The following EEIG1 variants were observed in gnomAD, a reference collection of about 807,000 sequenced individuals.
The protein encoded by EEIG1 is estrogen-induced osteoclastogenesis regulator 1, also known as early estrogen-induced gene 1 protein.
chr9:127,980,361 G>T, the EEIG1 span: 2 of 497,232 alleles, frequency 4.0e-6, no homozygotes, highest in African/African-American at 4.0e-5. Context: ...GGCTCGGAGG[G>T]GTTCGGAGCG....
the EEIG1 span, chr9:127,944,721 G>A: frequency 6.2e-7 from 1 of 1,611,904 alleles, no homozygotes; most frequent in Non-Finnish European, 8.5e-7. Flanking sequence ...GCTGAGCGCG[G>A]CAGGGCCAGC....
chr9:127,966,177 G>A, the EEIG1 span, among the ~76,000 whole-genome samples: 1 of 152,210 alleles, frequency 6.6e-6, no homozygotes, highest in Non-Finnish European at 1.5e-5. Context: ...TGGGCACAGG[G>A]TGGAGGGAAG....
At chr9:127,962,244 C>G in the EEIG1 span, among the ~76,000 whole-genome samples, 1 of 152,176 alleles carries the variant, frequency 6.6e-6, no homozygotes, top group African/African-American at 2.4e-5. Context: ...AGGAGATGCC[C>G]ACATCAAATT....
At chr9:127,943,371 G>A in the EEIG1 span, 7 of 800,200 alleles carry the variant, frequency 8.7e-6, no homozygotes, top group African/African-American at 1.7e-5. Flanking sequence ...GGCTAAAACC[G>A]TGCCCCAGCG....
chr9:127,941,354 G>A, the EEIG1 span: 2 of 152,522 alleles, frequency 1.3e-5, no homozygotes, highest in Admixed American at 1.3e-4. Context: ...TAGGCTGGGT[G>A]AGGTCACGCA....
chr9:127,943,067 T>C, the EEIG1 span: 4 of 827,084 alleles, frequency 4.8e-6, no homozygotes, highest in East Asian at 5.2e-5. Context: ...TGGACTGGAG[T>C]GCATGGAGGA....
chr9:127,969,504 T>C, the EEIG1 span, among the ~76,000 whole-genome samples: 24 of 152,294 alleles, frequency 1.6e-4, no homozygotes, highest in African/African-American at 3.8e-4. Context: ...GATGGGCACA[T>C]AATAGGCATT....
chr9:127,978,694 T>C, the EEIG1 span, among the ~76,000 whole-genome samples: 1 of 151,602 alleles, frequency 6.6e-6, no homozygotes, highest in Non-Finnish European at 1.5e-5. Context: ...ACAAAAAAAT[T>C]ATCGTGGTAG....
the EEIG1 span, among the ~76,000 whole-genome samples, chr9:127,955,836 A>T: frequency 6.6e-6 from 1 of 152,234 alleles, no homozygotes; most frequent in Middle Eastern, 3.2e-3. Context: ...TGCTCCTGCC[A>T]AGGCGGTGAC....
the EEIG1 span, chr9:127,950,773 C>T: frequency 8.0e-7 from 1 of 1,253,870 alleles, no homozygotes; most frequent in Non-Finnish European, 1.0e-6. Context: ...ACAAAGCACC[C>T]TTTGTGCCAC....
At chr9:127,944,385 G>C in the EEIG1 span, 2 of 595,776 alleles carry the variant, frequency 3.4e-6, no homozygotes, top group Non-Finnish European at 6.0e-6. Context: ...GTGAACTGTG[G>C]GAAACCACCG....
At chr9:127,959,585 G>A in the EEIG1 span, among the ~76,000 whole-genome samples, 1 of 152,188 alleles carries the variant, frequency 6.6e-6, no homozygotes, top group Admixed American at 6.5e-5. Flanking sequence ...ATTGGATCAT[G>A]GGGGTGGTTT....
At chr9:127,955,049 G>C in the EEIG1 span, among the ~76,000 whole-genome samples, 1 of 152,212 alleles carries the variant, frequency 6.6e-6, no homozygotes, top group Non-Finnish European at 1.5e-5. Context: ...CAGCCTGCCT[G>C]GCAGAGCCCG....
At chr9:127,965,998 C>T in the EEIG1 span, among the ~76,000 whole-genome samples, 1 of 152,084 alleles carries the variant, frequency 6.6e-6, no homozygotes, top group African/African-American at 2.4e-5. Flanking sequence ...AGCCACCTGG[C>T]AGCCCCAAAA....
chr9:127,953,451 A>G, the EEIG1 span: 1 of 780,514 alleles, frequency 1.3e-6, no homozygotes, highest in East Asian at 2.5e-5. Context: ...CTAAAAAATA[A>G]CACATCTCAG....
At chr9:127,944,745 G>A in the EEIG1 span, 1 of 1,611,564 alleles carries the variant, frequency 6.2e-7, no homozygotes, top group Non-Finnish European at 8.5e-7. Flanking sequence ...TGGAGCAGGT[G>A]GCCTCGCCCC....
chr9:127,980,769 C>T, the EEIG1 span, among the ~76,000 whole-genome samples: 2 of 149,772 alleles, frequency 1.3e-5, no homozygotes, highest in African/African-American at 4.9e-5. Flanking sequence ...CGTCCGGCCT[C>T]GGGCCTCCTC....
At chr9:127,951,329 A>G in the EEIG1 span, among the ~76,000 whole-genome samples, 1 of 152,184 alleles carries the variant, frequency 6.6e-6, no homozygotes, top group Non-Finnish European at 1.5e-5. Flanking sequence ...CAACAGGCTC[A>G]GAAGAGATAG....
the EEIG1 span, among the ~76,000 whole-genome samples, chr9:127,956,974 C>T: frequency 6.6e-6 from 1 of 152,176 alleles, no homozygotes; most frequent in Non-Finnish European, 1.5e-5. Context: ...CATGGCATCC[C>T]AAAGTGCTGG....
Sources: gnomAD v4.1 joint callset for allele counts (sites outside exome capture counted in the v4.1 genomes callset) on GRCh38, gnomAD v4.1.1 for gene constraint, MANE v1.5 for transcripts, NCBI Gene and HGNC (gene_info 2026-07-23, HGNC 2026-07-21) for gene names.